The following ATP13A5 variants were observed in gnomAD, a reference collection of about 807,000 sequenced individuals.
ATP13A5 encodes the protein probable cation-transporting ATPase 13A5.
Under a neutral mutation model 150.2 loss-of-function variants are expected in ATP13A5, and 149 were observed. The observed-to-expected ratio is 0.99, with a 90% CI of 0.87 to 1.14. The LOEUF is 1.14. Among genes scored for constraint, ATP13A5 ranks in the 50% most tolerant of loss-of-function variants. ATP13A5 has a pLI of 0.00. For missense variants in ATP13A5, 1,383 were observed against 1,449.3 expected (o/e 0.95, Z 0.74); for synonymous variants, 497 against 522.2 (o/e 0.95, Z 0.66).
intron 1 of ATP13A5, among the ~76,000 whole-genome samples, chr3:193,374,046 A>T (rs1415191030): frequency 6.6e-6 from 1 of 152,176 alleles, no homozygotes; most frequent in Admixed American, 6.5e-5. Flanking sequence ...TGGGGTCAGA[A>T]TCAAAGTCAT....
intron 1 of ATP13A5, among the ~76,000 whole-genome samples, chr3:193,369,092 T>A (rs1713352145): frequency 6.6e-6 from 1 of 151,784 alleles, no homozygotes; most frequent in South Asian, 2.1e-4. Context: ...ATTTTTTTTT[T>A]AATTAGCCAG....
At position 193,354,171 on chromosome 3, in the gene ATP13A5, T is replaced by C. The variant is rs1183855353; in HGVS notation, c.562A>G (p.Ile188Val). 5 of 1,612,560 alleles carry C rather than the reference T, an allele frequency of 3.1e-6. No individual in the cohort carries two copies. Among genetic ancestry groups the C allele is most frequent in the Non-Finnish European group, 4.2e-6 (5 of 1,179,652 alleles). ...CATATGGGTTGGATTTCAACCTCAA[T>C]GGCGTTGGGCCCACACACTAATCTT... is the stretch of plus-strand genomic sequence containing the variant. ...VRRLVCGPNA[I>V]EVEIQPIWKL... Residue 188 changes from isoleucine (I) to valine (V), a missense_variant, in exon 6 of 30, where the codon ATT becomes GTT. Physicochemically the swap from Ile to Val is conservative, Grantham distance 29. This residue lies in a region of ATP13A5 where 787 missense variants were observed against 771.9 expected (regional missense o/e 1.02). Transcript: ENST00000342358.
At chr3:193,322,605 C>T (rs1365593667) in intron 14 of ATP13A5, 31 bp from the exon 15 acceptor site, 6 of 1,419,314 alleles carry the variant, frequency 4.2e-6, no homozygotes, top group Non-Finnish European at 5.9e-6. Context: ...TCATAAGATT[C>T]TTTGAATAAA....
chr3:193,320,976 A>G (rs897057674), intron 16 of ATP13A5, among the ~76,000 whole-genome samples: 1 of 152,160 alleles, frequency 6.6e-6, no homozygotes, highest in Non-Finnish European at 1.5e-5. Flanking sequence ...ATATTCTTCT[A>G]TATTCTCCTC....
At chr3:193,278,798 A>C (rs1292568749) in intron 28 of ATP13A5, among the ~76,000 whole-genome samples, 1 of 152,178 alleles carries the variant, frequency 6.6e-6, no homozygotes, top group Non-Finnish European at 1.5e-5. Flanking sequence ...TCATCTTCAC[A>C]ACAAATCTAT....
intron 25 of ATP13A5, 88 bp from the exon 26 acceptor site, chr3:193,290,147 G>A (rs888590693): frequency 3.8e-6 from 5 of 1,321,532 alleles, no homozygotes; most frequent in Middle Eastern, 2.6e-4. Context: ...CTTGAGTCTG[G>A]CATTGGGATT....
intron 10 of ATP13A5, among the ~76,000 whole-genome samples, chr3:193,334,144 T>C (rs1195855166): frequency 1.3e-5 from 2 of 152,216 alleles, no homozygotes; most frequent in Admixed American, 6.5e-5. Flanking sequence ...TTAAAAAAAT[T>C]AGATATTTTT....
intron 9 of ATP13A5, among the ~76,000 whole-genome samples, chr3:193,339,522 T>C (rs1712032054): frequency 6.6e-6 from 1 of 152,240 alleles, no homozygotes; most frequent in Non-Finnish European, 1.5e-5. Context: ...CATTTTCTGC[T>C]GTGATGTATT....
chr3:193,319,649 A>G (rs1479637541), intron 16 of ATP13A5, among the ~76,000 whole-genome samples: 6 of 152,240 alleles, frequency 3.9e-5, no homozygotes, highest in African/African-American at 1.4e-4. Flanking sequence ...TTGTTATAAT[A>G]GCACAAGCTG....
chr3:193,288,805 T>C (rs1259208895), intron 26 of ATP13A5, among the ~76,000 whole-genome samples: 1 of 152,078 alleles, frequency 6.6e-6, no homozygotes, highest in Non-Finnish European at 1.5e-5. Context: ...CCAAAGAGTA[T>C]CTAGTCCAAT....
intron 21 of ATP13A5, among the ~76,000 whole-genome samples, chr3:193,307,593 T>C (rs61419346): frequency 0.017 from 2,649 of 152,262 alleles, 100 homozygotes; most frequent in African/African-American, 0.06. Context: ...GAAATGGTAG[T>C]GATATAACCA....
intron 1 of ATP13A5, among the ~76,000 whole-genome samples, 158 bp from the exon 2 acceptor site, chr3:193,364,438 T>C (rs1713164038): frequency 6.6e-6 from 1 of 152,184 alleles, no homozygotes; most frequent in African/African-American, 2.4e-5. Flanking sequence ...AGCTGTCCAC[T>C]GATCAAATCA....
chr3:193,368,754 C>T (rs978077564), intron 1 of ATP13A5, among the ~76,000 whole-genome samples: 16 of 152,062 alleles, frequency 1.1e-4, no homozygotes, highest in East Asian at 3.9e-4. Flanking sequence ...ATCCCCCCAC[C>T]GCCCCACCCC....
chr3:193,304,090 G>T (rs962445100), intron 23 of ATP13A5, among the ~76,000 whole-genome samples: 1 of 152,014 alleles, frequency 6.6e-6, no homozygotes, highest in African/African-American at 2.4e-5. Flanking sequence ...ACAAACCAAG[G>T]TTAAGACACT....
chr3:193,369,511 A>C (rs968145491), intron 1 of ATP13A5, among the ~76,000 whole-genome samples: 3 of 152,176 alleles, frequency 2.0e-5, no homozygotes, highest in African/African-American at 7.2e-5. Context: ...AGATTGTATA[A>C]ATGATTATTC....
chr3:193,364,311 T>G (rs1291969215), intron 1 of ATP13A5, 31 bp from the exon 2 acceptor site: 2 of 1,596,834 alleles, frequency 1.3e-6, no homozygotes, highest in Admixed American at 3.5e-5. Context: ...ATCGCTCTAT[T>G]TTTCTTTTCT....
chr3:193,285,133 A>C lies in ATP13A5; in HGVS notation c.3024-17T>G, dbSNP rs779198692. ...AAACACTCACTACAAAAGAATCACC[A>C]GTGTTTATGAAACATTTGATTCCAT... is the stretch of plus-strand genomic sequence containing the variant. On this transcript the variant is annotated splice_polypyrimidine_tract_variant and intron_variant, in intron 26 of 29. Coordinates refer to ENST00000342358, the MANE Select transcript of ATP13A5 (RefSeq NM_198505.4). The C allele has an allele frequency of 1.2e-6, 2 of 1,600,650 alleles. No homozygotes were observed. The highest frequency in any genetic ancestry group is 2.7e-5 in the African/African-American group (2 of 74,546).
chr3:193,343,068 C>A (rs1055361591), intron 9 of ATP13A5, among the ~76,000 whole-genome samples: 1 of 152,104 alleles, frequency 6.6e-6, no homozygotes, highest in Non-Finnish European at 1.5e-5. Flanking sequence ...AATGTAAAAT[C>A]TGCTTGTGTT....
intron 12 of ATP13A5, 124 bp from the exon 13 acceptor site, chr3:193,327,181 A>G: frequency 1.2e-6 from 1 of 826,212 alleles, no homozygotes; most frequent in African/African-American, 1.8e-5. Flanking sequence ...CCTTGTTTAT[A>G]AGTACCAAAT....
Sources: allele counts gnomAD v4.1 joint callset (sites outside exome capture counted in the v4.1 genomes callset), GRCh38; gene constraint gnomAD v4.1.1; regional missense constraint gnomAD v4.1.1; transcripts MANE v1.5; gene names NCBI Gene and HGNC (gene_info 2026-07-23, HGNC 2026-07-21).